Variants in CUL1 observed in about 807,000 individuals in gnomAD.
CUL1 encodes cullin-1.
Under a neutral mutation model 118.0 loss-of-function variants are expected in CUL1, and 24 were observed. That is an observed-to-expected ratio of 0.20 (90% CI 0.15 to 0.29). CUL1 has a LOEUF of 0.29. CUL1 is among the 10% of genes least tolerant of loss of function. The probability of loss-of-function intolerance (pLI) is 1.00; values close to 1 mark genes in which losing one functional copy is unlikely to be tolerated. For missense variants in CUL1, 361 were observed against 933.8 expected (o/e 0.39, Z 7.99); for synonymous variants, 332 against 340.4 (o/e 0.98, Z 0.27).
chr7:148,784,122 T>G lies in CUL1; in HGVS notation c.1298+45T>G, dbSNP rs750219432. ...TTTCTTAGTATGCCTGTTTAAAATC[T>G]CAGCTTTTATATGAGGAATTAAAAC... On this transcript the variant is annotated intron_variant, in intron 11 of 21. Transcript: ENST00000325222. 2.1e-6 allele frequency: 3 copies of G among 1,446,494 alleles called. No individual in the cohort carries two copies. In the African/African-American group the frequency reaches 4.2e-5, roughly 20 times the overall value. 89.6% of individuals were successfully genotyped at this position (1,446,494 alleles called of 1,614,324 possible).
At chr7:148,783,513 T>C in intron 9 of CUL1, 3 of 1,313,406 alleles carry the variant, frequency 2.3e-6, no homozygotes, top group Non-Finnish European at 2.9e-6. Context: ...ATGATCTCTT[T>C]GAGTTTTCAC....
intron 2 of CUL1, among the ~76,000 whole-genome samples, chr7:148,745,270 T>C (rs968665229): frequency 1.3e-5 from 2 of 152,238 alleles, no homozygotes; most frequent in Non-Finnish European, 2.9e-5. Flanking sequence ...CTATATCTTT[T>C]ATTATAACTA....
At chr7:148,721,802 G>T (rs998616155) in intron 1 of CUL1, among the ~76,000 whole-genome samples, 2 of 152,134 alleles carry the variant, frequency 1.3e-5, no homozygotes, top group East Asian at 3.9e-4. Context: ...TGTGTGGTCT[G>T]TTGTGTGACT....
At chr7:148,778,070 CAAAAAAAA>C (rs1203417069) in intron 9 of CUL1, among the ~76,000 whole-genome samples, 1 of 13,792 alleles carries the variant, frequency 7.3e-5, no homozygotes, top group Non-Finnish European at 1.4e-4. Context: ...GACCCTGTCT[CAAAAAAAA>C]AAAAAAAAAA....
At chr7:148,783,752 AC>A in intron 9 of CUL1, 30 bp from the exon 10 acceptor site, 1 of 1,608,870 alleles carries the variant, frequency 6.2e-7, no homozygotes, top group African/African-American at 1.3e-5. Context: ...CCAATAACCA[AC>A]TTTTGTTTCT....
At chr7:148,725,219 G>GCACACACACACACACACACACACACA in intron 1 of CUL1, among the ~76,000 whole-genome samples, 49 of 140,144 alleles carry the variant, frequency 3.5e-4, no homozygotes, top group African/African-American at 5.4e-4. Context: ...ACACGCGCGC[G>GCACACACACACACACACACACACACA]CTCACACACA....
In CUL1 at chr7:148,757,007, A is replaced by T. The variant is rs1799680012; in HGVS notation, c.340A>T (p.Ser114Cys). ...LKDGEDLMDE[S>C]VLKFYTQQWE... ...GGATGGAGAAGATTTGATGGATGAG[A>T]GTGTACTGAAATTCTACACTCAACA... The change falls in exon 4 of 22, where the codon AGT (serine) becomes TGT (cysteine). Residue 114 changes from serine (S) to cysteine (C), a missense_variant. Ser to Cys is a moderately radical substitution (Grantham distance 112, BLOSUM62 -1). This residue lies in a region of CUL1 where 49 missense variants were observed against 67.4 expected (regional missense o/e 0.73). Transcript: ENST00000325222. 1.2e-6 allele frequency: 2 copies of T among 1,602,602 alleles called. No individual in the cohort carries two copies. The highest frequency in any genetic ancestry group is 2.7e-5 in the African/African-American group (2 of 74,570).
chr7:148,719,408 T>C (rs1798327577), intron 1 of CUL1, among the ~76,000 whole-genome samples: 1 of 152,226 alleles, frequency 6.6e-6, no homozygotes, highest in Non-Finnish European at 1.5e-5. Context: ...TTTAATTGTT[T>C]GAATGAGAGT....
At chr7:148,772,669 A>T (rs1800254272) in intron 9 of CUL1, among the ~76,000 whole-genome samples, 1 of 152,102 alleles carries the variant, frequency 6.6e-6, no homozygotes, top group East Asian at 1.9e-4. Flanking sequence ...CATCTCCGTG[A>T]CCTCATCTGC....
chr7:148,730,218 C>T lies in CUL1; in HGVS notation c.96C>T (p.Tyr32=), dbSNP rs1221043012. The T allele has an allele frequency of 6.2e-7, 1 of 1,614,054 alleles. No homozygotes were observed. Among genetic ancestry groups the T allele is most frequent in the Non-Finnish European group, 8.5e-7 (1 of 1,180,040 alleles). Residue 32 remains tyrosine, a synonymous_variant, in exon 2 of 22, where the codon TAC becomes TAT. Coordinates refer to ENST00000325222, the MANE Select transcript of CUL1 (RefSeq NM_003592.3). ...TCAGAGCCGGCATCCAGCAGGTGTA[C>T]ACACGGCAGAGCATGGCCAAGTCCA... ...DDLRAGIQQV[Y]TRQSMAKSRY...
chr7:148,725,037 T>C (rs1798516609), intron 1 of CUL1, among the ~76,000 whole-genome samples: 2 of 152,142 alleles, frequency 1.3e-5, no homozygotes, highest in African/African-American at 4.8e-5. Flanking sequence ...GATATATAGT[T>C]TGTAAAGTAA....
rs368413877 is a variant in CUL1 at position 148,759,372 on chromosome 7, C to T, written c.534+18C>T. 24 of 1,612,876 alleles carry T rather than the reference C, an allele frequency of 1.5e-5. No individual in the cohort carries two copies. In the African/African-American group the frequency reaches 2.0e-4, roughly 13 times the overall value. ...ATAAACAGGTACCTACTGGTGTGAG[C>T]GTGTGCATGTTCCTTTTAAAATCCC... On this transcript the variant is annotated intron_variant, in intron 5 of 21. Transcript: ENST00000325222.
intron 9 of CUL1, among the ~76,000 whole-genome samples, chr7:148,772,467 G>A (rs1437638524): frequency 6.6e-6 from 1 of 151,614 alleles, no homozygotes; most frequent in Admixed American, 6.6e-5. Flanking sequence ...TGGGCTTATT[G>A]AAACATTATC....
chr7:148,790,284 C>G (rs748967870), intron 15 of CUL1, 26 bp from the exon 16 acceptor site: 1 of 1,612,586 alleles, frequency 6.2e-7, no homozygotes, highest in Non-Finnish European at 8.5e-7. Context: ...GATCTGTATT[C>G]CATATAATGC....
chr7:148,737,064 A>G (rs1798967701), intron 2 of CUL1, among the ~76,000 whole-genome samples: 1 of 152,236 alleles, frequency 6.6e-6, no homozygotes, highest in African/African-American at 2.4e-5. Context: ...CTAGTTTGCA[A>G]AGTTCTTGCT....
intron 17 of CUL1, among the ~76,000 whole-genome samples, chr7:148,794,839 GT>G (rs1181595856): frequency 2.0e-5 from 3 of 152,104 alleles, no homozygotes; most frequent in Non-Finnish European, 4.4e-5. Flanking sequence ...TTGGTTTTTA[GT>G]TTTTTAATTG....
chr7:148,701,541 G>GT (rs1463291477), intron 1 of CUL1, among the ~76,000 whole-genome samples: 2 of 152,152 alleles, frequency 1.3e-5, no homozygotes, highest in African/African-American at 4.8e-5. Flanking sequence ...ACACGATCAG[G>GT]TTTTTCCCCC....
At chr7:148,720,020 G>A (rs1164952461) in intron 1 of CUL1, among the ~76,000 whole-genome samples, 1 of 152,198 alleles carries the variant, frequency 6.6e-6, no homozygotes, top group African/African-American at 2.4e-5. Context: ...ACTGTGAGGA[G>A]TAAATCAGTG....
chr7:148,759,750 A>G (rs982120065), intron 6 of CUL1, 112 bp downstream of exon 6: 3 of 509,670 alleles, frequency 5.9e-6, no homozygotes, highest in African/African-American at 2.0e-5. Context: ...GGATATTGTT[A>G]GCATTTACGA....
Sources: allele counts gnomAD v4.1 joint callset (sites outside exome capture counted in the v4.1 genomes callset), GRCh38; gene constraint gnomAD v4.1.1; regional missense constraint gnomAD v4.1.1; transcripts MANE v1.5; gene names NCBI Gene and HGNC (gene_info 2026-07-23, HGNC 2026-07-21).